Variants in CSMD2 observed in about 807,000 individuals in gnomAD.
The protein encoded by CSMD2 is CUB and Sushi multiple domains 2.
CSMD2 carries 130 observed loss-of-function variants against 398.5 expected under a neutral mutation model. The ratio of observed to expected loss-of-function variants is 0.33; its 90% CI spans 0.28 to 0.38. The LOEUF (loss-of-function observed/expected upper bound fraction) is 0.38. Among genes scored for constraint, CSMD2 ranks in the 10% least tolerant of loss-of-function variants. CSMD2 has a pLI of 1.00. For synonymous variants in CSMD2, 1,828 were observed against 1,908.5 expected (o/e 0.96, Z 1.10); for missense variants, 3,829 against 4,764.9 (o/e 0.80, Z 5.78).
intron 1 of CSMD2, among the ~76,000 whole-genome samples, chr1:34,096,786 T>C: frequency 2.1e-5 from 2 of 95,204 alleles, no homozygotes; most frequent in African/African-American, 4.4e-5. Context: ...GGAAGAACAT[T>C]CCATGCTCAT....
chr1:34,087,991 C>T (rs559155074), intron 2 of CSMD2, among the ~76,000 whole-genome samples: 1 of 152,200 alleles, frequency 6.6e-6, no homozygotes, highest in Non-Finnish European at 1.5e-5. Flanking sequence ...TGCCCCCCCG[C>T]CTCTGCTGCA....
chr1:34,139,389 A>G (rs72888103), intron 1 of CSMD2, among the ~76,000 whole-genome samples: 2,784 of 152,314 alleles, frequency 0.018, 82 homozygotes, highest in African/African-American at 0.063. Context: ...GGCCCTCACC[A>G]GATGCAGCCC....
intron 3 of CSMD2, among the ~76,000 whole-genome samples, chr1:33,952,406 G>A (rs1250147495): frequency 1.3e-5 from 2 of 152,132 alleles, no homozygotes; most frequent in Non-Finnish European, 2.9e-5. Context: ...AATATTCCCT[G>A]GCCCAGAAGT....
chr1:34,164,077 G>A lies in CSMD2; in HGVS notation c.187+834C>T, dbSNP rs1181148868. Among the ~76,000 whole-genome samples the A allele has an allele frequency of 1.3e-5, 2 of 152,060 alleles. No homozygotes were observed. The highest frequency in any genetic ancestry group is 2.4e-5 in the African/African-American group (1 of 41,414). ...TCCCGCCGCCCGCGCCGCCGCTGCC[G>A]CTGCCGCAGCCGAGGCGCTCGGCTG... On this transcript the variant is annotated intron_variant, in intron 1 of 70. Coordinates refer to ENST00000373381, the MANE Select transcript of CSMD2 (RefSeq NM_001281956.2). This position sits in a 1 kb window ranked among gnomAD's most constrained non-coding sequence, Gnocchi z 6.2.
intron 7 of CSMD2, 27 bp downstream of exon 7, chr1:33,825,670 C>G: frequency 6.2e-7 from 1 of 1,609,670 alleles, no homozygotes; most frequent in Non-Finnish European, 8.5e-7. Flanking sequence ...AGAGGCCCGG[C>G]AGGCGGGCTG....
chr1:33,678,823 C>T (rs559106882), intron 25 of CSMD2, among the ~76,000 whole-genome samples: 2 of 152,318 alleles, frequency 1.3e-5, no homozygotes, highest in South Asian at 4.1e-4. Context: ...AGGCTCTTCT[C>T]TTCAGGGACC....
chr1:34,032,118 T>TAA (rs770959831), intron 3 of CSMD2, among the ~76,000 whole-genome samples: 4 of 152,198 alleles, frequency 2.6e-5, no homozygotes, highest in Non-Finnish European at 5.9e-5. Flanking sequence ...CAAAAGCCCC[T>TAA]AATCCATGCT....
intron 62 of CSMD2, among the ~76,000 whole-genome samples, chr1:33,534,212 G>A (rs570818036): frequency 2.0e-5 from 3 of 152,156 alleles, no homozygotes; most frequent in South Asian, 2.1e-4. Context: ...ACTCAGGGCA[G>A]GCTGCATGGA....
At chr1:33,595,888 T>G (rs571179345) in intron 44 of CSMD2, among the ~76,000 whole-genome samples, 1 of 152,346 alleles carries the variant, frequency 6.6e-6, no homozygotes. Flanking sequence ...ATCACTGCTC[T>G]GAAGCCTTCT....
chr1:33,976,385 GT>G (rs1461532928), intron 3 of CSMD2, among the ~76,000 whole-genome samples: 1 of 152,212 alleles, frequency 6.6e-6, no homozygotes, highest in Non-Finnish European at 1.5e-5. Flanking sequence ...CCAGCCTAGG[GT>G]GTAACTTTAG....
At chr1:33,957,929 C>CTG (rs72457395) in intron 3 of CSMD2, among the ~76,000 whole-genome samples, 2,576 of 150,190 alleles carry the variant, frequency 0.017, 26 homozygotes, top group Middle Eastern at 0.024. Flanking sequence ...AACTCAGTCA[C>CTG]TGTGTGTGTG....
chr1:33,578,484 A>C (rs1638454596), intron 48 of CSMD2, among the ~76,000 whole-genome samples: 1 of 152,206 alleles, frequency 6.6e-6, no homozygotes, highest in South Asian at 2.1e-4. Context: ...AGGCTAAGGC[A>C]GGAGAATCAC....
chr1:34,020,186 A>G (rs553152130), intron 3 of CSMD2, among the ~76,000 whole-genome samples: 2 of 152,286 alleles, frequency 1.3e-5, no homozygotes, highest in South Asian at 2.1e-4. Flanking sequence ...GCTGAATGGA[A>G]CCAGGGAGAG....
intron 24 of CSMD2, among the ~76,000 whole-genome samples, chr1:33,695,064 T>C (rs1321853668): frequency 6.6e-6 from 1 of 152,142 alleles, no homozygotes; most frequent in East Asian, 1.9e-4. Flanking sequence ...TGGTCTTAAA[T>C]GAACCTTGAA....
chr1:34,044,819 G>T (rs983736973), intron 2 of CSMD2, among the ~76,000 whole-genome samples: 1 of 152,130 alleles, frequency 6.6e-6, no homozygotes, highest in African/African-American at 2.4e-5. Context: ...TATGAAAAAA[G>T]ACATACCAAT....
chr1:34,075,417 A>G (rs191331183), intron 2 of CSMD2, among the ~76,000 whole-genome samples: 266 of 152,370 alleles, frequency 1.7e-3, no homozygotes, highest in African/African-American at 6.0e-3. Context: ...ATAAGAAGAC[A>G]GTAAATCTGG....
chr1:33,641,827 T>A (rs1216509784), intron 29 of CSMD2, among the ~76,000 whole-genome samples: 1 of 152,190 alleles, frequency 6.6e-6, no homozygotes, highest in Non-Finnish European at 1.5e-5. Context: ...GCAGAGACTT[T>A]GTTTGGTTTT....
At position 33,646,792 on chromosome 1, in the gene CSMD2, C is replaced by T. The variant is rs1643454793; in HGVS notation, c.4630G>A (p.Gly1544Arg). 3 of 1,613,768 alleles carry T rather than the reference C, an allele frequency of 1.9e-6. No individual in the cohort carries two copies. Among genetic ancestry groups the T allele is most frequent in the East Asian group, 2.2e-5 (1 of 44,868 alleles). Residue 1544 changes from glycine (G) to arginine (R), a missense_variant, in exon 29 of 71, where the codon GGA becomes AGA. Transcript: ENST00000373381. ...PGYDFLHIYD[G>R]RDSLSPLIGS... ...ATGAGAGGGCTGAGAGAGTCCCGTC[C>T]GTCGTAGATATGGAGGAAGTCATAG...
intron 49 of CSMD2, among the ~76,000 whole-genome samples, chr1:33,574,241 T>C (rs1469402100): frequency 6.6e-6 from 1 of 151,976 alleles, no homozygotes; most frequent in African/African-American, 2.4e-5. Flanking sequence ...AACTCAAGAA[T>C]ACAAAGAAAA....
Sources: allele counts gnomAD v4.1 joint callset (sites outside exome capture counted in the v4.1 genomes callset), GRCh38; gene constraint gnomAD v4.1.1; non-coding constraint Gnocchi (gnomAD v3.1); transcripts MANE v1.5; gene names NCBI Gene and HGNC (gene_info 2026-07-23, HGNC 2026-07-21).